Variants in RAB17 observed in about 807,000 individuals in gnomAD.
The protein encoded by RAB17 is ras-related protein Rab-17.
In RAB17, 15 loss-of-function variants were observed where a neutral mutation model predicts 19.3. The observed-to-expected ratio is 0.78, with a 90% CI of 0.52 to 1.20. The LOEUF (loss-of-function observed/expected upper bound fraction) is 1.20. Among genes scored for constraint, RAB17 ranks in the 50% most tolerant of loss-of-function variants. The pLI, the probability that RAB17 is intolerant of heterozygous loss-of-function variation, is 0.00. For synonymous variants in RAB17, 110 were observed against 112.8 expected, an observed-to-expected ratio of 0.97 and a Z score of 0.16; for missense variants, 262 against 269.3, an observed-to-expected ratio of 0.97 and a Z score of 0.19.
At chr2:237,587,028 T>A (rs904899589) in intron 1 of RAB17, among the ~76,000 whole-genome samples, 1 of 152,238 alleles carries the variant, frequency 6.6e-6, no homozygotes, top group Admixed American at 6.5e-5. Flanking sequence ...ATTACACCCC[T>A]GTGTTATTGA....
intron 3 of RAB17, 188 bp downstream of exon 3, chr2:237,577,816 A>G: frequency 1.5e-6 from 1 of 655,022 alleles, no homozygotes; most frequent in South Asian, 2.0e-5. Flanking sequence ...TTTGTGGACC[A>G]CGGAGGAGCA....
intron 1 of RAB17, among the ~76,000 whole-genome samples, chr2:237,589,348 C>T (rs12623345): frequency 0.17 from 25,865 of 152,066 alleles, 3,881 homozygotes; most frequent in African/African-American, 0.4. Flanking sequence ...TTCTATGACT[C>T]CTAAAAACAA....
intron 2 of RAB17, among the ~76,000 whole-genome samples, chr2:237,582,243 G>C (rs112888123): frequency 6.6e-6 from 1 of 152,214 alleles, no homozygotes; most frequent in African/African-American, 2.4e-5. Flanking sequence ...GCCAGGAGCT[G>C]AGCCCACCAC....
chr2:237,576,501 G>A (rs948745733), intron 4 of RAB17: 7 of 451,694 alleles, frequency 1.5e-5, no homozygotes, highest in East Asian at 1.4e-4. Flanking sequence ...GCTCTCCCCC[G>A]AGATTCTCCA....
intron 4 of RAB17, among the ~76,000 whole-genome samples, chr2:237,576,239 C>T (rs544492402): frequency 1.3e-5 from 2 of 152,222 alleles, no homozygotes; most frequent in Non-Finnish European, 2.9e-5. Flanking sequence ...CCCGGAGATC[C>T]CTCGGCCGGC....
At chr2:237,585,829 G>A (rs2081345379) in intron 2 of RAB17, among the ~76,000 whole-genome samples, 169 bp downstream of exon 2, 1 of 152,154 alleles carries the variant, frequency 6.6e-6, no homozygotes, top group Non-Finnish European at 1.5e-5. Context: ...AGATTCTGTG[G>A]CTGCCCTCTT....
intron 2 of RAB17, chr2:237,585,706 C>T (rs1415837094): frequency 3.6e-6 from 1 of 281,544 alleles, no homozygotes; most frequent in Non-Finnish European, 7.0e-6. Flanking sequence ...CATAATCCCT[C>T]GCACCCAGCC....
rs777565176 is a variant in RAB17 at position 237,575,065 on chromosome 2, G to A, written c.593C>T (p.Ala198Val). Residue 198 changes from alanine to valine, a missense_variant, in exon 6 of 6, where the codon GCT (alanine) becomes GTT (valine). By Grantham distance (64) the Ala-to-Val change is moderately conservative. Coordinates refer to ENST00000264601, the MANE Select transcript of RAB17 (RefSeq NM_022449.4). ...GQALRGDAAV[A>V]LNKGPARQAK... The stretch of plus-strand genomic sequence containing the variant: ...CTGCCTCGCGGGCCCCTTGTTCAGA[G>A]CCACAGCTGCATCCCCCCGTAGAGC... 4 of 1,613,774 alleles carry A rather than the reference G, an allele frequency of 2.5e-6. No homozygotes were observed. The highest frequency in any genetic ancestry group is 2.2e-5 in the South Asian group (2 of 91,020).
chr2:237,586,945 AT>A (rs11334488), intron 1 of RAB17, among the ~76,000 whole-genome samples: 71,283 of 151,674 alleles, frequency 0.47, 18,843 homozygotes, highest in African/African-American at 0.72. Context: ...AGATACAGGT[AT>A]TTTTTTTTCT....
rs1162625947 is a variant in RAB17 at position 237,590,692 on chromosome 2, G to C, written c.-229C>G. On this transcript the variant is annotated 5_prime_UTR_variant, in exon 1 of 6. Coordinates refer to ENST00000264601, the MANE Select transcript of RAB17 (RefSeq NM_022449.4). ...CCAGAGCAATGCCCACTGGACCCCA[G>C]CGCCAAGGTCAGGCCTCTTCTCCTC... 1 of 153,086 alleles carries C rather than the reference G, an allele frequency of 6.5e-6. No individual in the cohort carries two copies. Among genetic ancestry groups the C allele is most frequent in the East Asian group, 1.9e-4 (1 of 5,224 alleles). 9.5% of individuals were successfully genotyped at this position (153,086 alleles called of 1,614,324 possible). A position where few individuals can be genotyped will look rare whatever the true frequency, so the allele number is the denominator to read the frequency against.
chr2:237,582,970 T>C (rs527842412), intron 2 of RAB17, among the ~76,000 whole-genome samples: 23 of 152,196 alleles, frequency 1.5e-4, no homozygotes, highest in Non-Finnish European at 3.1e-4. Context: ...AGCATGGTGG[T>C]ATGCACCTGT....
At chr2:237,584,782 GC>G (rs2081335470) in intron 2 of RAB17, among the ~76,000 whole-genome samples, 1 of 152,196 alleles carries the variant, frequency 6.6e-6, no homozygotes, top group South Asian at 2.1e-4. Flanking sequence ...CCTCAGGCCA[GC>G]CTTGGCATTT....
intron 2 of RAB17, chr2:237,578,797 C>G (rs1474679979): frequency 6.6e-6 from 1 of 152,514 alleles, no homozygotes; most frequent in Non-Finnish European, 1.5e-5. Context: ...CCACGGAAGC[C>G]TCCCTGCACC....
At chr2:237,577,029 C>T (rs1037441584) in intron 4 of RAB17, among the ~76,000 whole-genome samples, 2 of 151,628 alleles carry the variant, frequency 1.3e-5, no homozygotes, top group African/African-American at 2.4e-5. Flanking sequence ...TGTGTGTGTG[C>T]GTGTGTGTGT....
intron 4 of RAB17, chr2:237,575,760 C>T: frequency 2.2e-6 from 1 of 455,728 alleles, no homozygotes; most frequent in Non-Finnish European, 4.0e-6. Flanking sequence ...AGGTTCCCCT[C>T]CCATCATGCC....
chr2:237,578,193 G>C, intron 2 of RAB17, 38 bp from the exon 3 acceptor site: 1 of 1,575,736 alleles, frequency 6.3e-7, no homozygotes. Flanking sequence ...CTCAGAGGAC[G>C]AGGTTGCCAC....
chr2:237,577,092 C>T (rs1365002332), intron 4 of RAB17, among the ~76,000 whole-genome samples, 165 bp downstream of exon 4: 1 of 151,768 alleles, frequency 6.6e-6, no homozygotes, highest in African/African-American at 2.4e-5. Context: ...GGGGGGTGTG[C>T]ATGTGTGTAA....
In RAB17 at chr2:237,577,723, T is replaced by C. The variant is rs555331190; in HGVS notation, c.309+281A>G. On this transcript the variant is annotated intron_variant, in intron 3 of 5. Transcript: ENST00000264601. ...CAAAGGACCACTTTGTGCAAGAGAG[T>C]CTGGGGGACTGGCCACCACCCCAAA... The C allele has an allele frequency of 1.4e-4, 64 of 469,838 alleles. 1 individual carries two copies. In the South Asian group the frequency reaches 1.9e-3, roughly 14 times the overall value. The allele number at this position is 469,838 out of a possible 1,614,324, so 29.1% of individuals were successfully genotyped here. A position where few individuals can be genotyped will look rare whatever the true frequency, so the allele number is the denominator to read the frequency against.
intron 1 of RAB17, among the ~76,000 whole-genome samples, chr2:237,589,483 C>A (rs2081376171): frequency 6.6e-6 from 1 of 152,216 alleles, no homozygotes; most frequent in Non-Finnish European, 1.5e-5. Context: ...CTACAACTAT[C>A]TCAACTTGCT....
Sources: gnomAD v4.1 joint callset for allele counts (sites outside exome capture counted in the v4.1 genomes callset) on GRCh38, gnomAD v4.1.1 for gene constraint, MANE v1.5 for transcripts, NCBI Gene and HGNC (gene_info 2026-07-23, HGNC 2026-07-21) for gene names.